DTX1: variants seen among roughly 807,000 people sequenced by gnomAD.
DTX1 encodes the protein deltex E3 ubiquitin ligase 1, also known as E3 ubiquitin-protein ligase DTX1.
DTX1 carries 26 observed loss-of-function variants against 57.8 expected under a neutral mutation model. That is an observed-to-expected ratio of 0.45 (90% confidence interval 0.33 to 0.62). The LOEUF (loss-of-function observed/expected upper bound fraction) is 0.62, where lower values mean the gene tolerates loss of function less well. Ranked by LOEUF, DTX1 falls within the 20% of genes least tolerant of loss-of-function variation. DTX1 has a pLI of 0.02. For missense variants in DTX1, 704 were observed against 895.3 expected, an observed-to-expected ratio of 0.79 and a Z score of 2.73; for synonymous variants, 398 against 394.1, an observed-to-expected ratio of 1.01 and a Z score of -0.12.
Position 113,093,355 on chromosome 12 carries a change from C to T in DTX1, c.1003+132C>T. The T allele has an allele frequency of 7.4e-7, 1 of 1,350,104 alleles. No homozygotes were observed. Among genetic ancestry groups the T allele is most frequent in the Non-Finnish European group, 1.0e-6 (1 of 1,004,764 alleles). The allele number at this position is 1,350,104 out of a possible 1,614,324, so 83.6% of individuals were successfully genotyped here. A position where few individuals can be genotyped will look rare whatever the true frequency, so the allele number is the denominator to read the frequency against. ...GAGGAAACGCCCCCTTCCACTGGGCCCAGGACACAGGGCGGGCGTGGCCCG... is the reference window on the plus strand; with the variant it reads ...GAGGAAACGCCCCCTTCCACTGGGCTCAGGACACAGGGCGGGCGTGGCCCG... On this transcript the variant is annotated intron_variant, in intron 4 of 9. Coordinates refer to ENST00000548759, the MANE Select transcript of DTX1 (RefSeq NM_004416.3). The surrounding 1 kb of genome is among the most constrained non-coding windows in gnomAD (Gnocchi z 4.2).
At chr12:113,063,308 G>A (rs375875690) in intron 2 of DTX1, among the ~76,000 whole-genome samples, 4 of 152,214 alleles carry the variant, frequency 2.6e-5, no homozygotes, top group African/African-American at 9.6e-5. Context: ...CAGAGAAGAA[G>A]CCACATCTTC....
chr12:113,084,237 G>T (rs2044839180), intron 3 of DTX1, among the ~76,000 whole-genome samples: 1 of 152,202 alleles, frequency 6.6e-6, no homozygotes, highest in African/African-American at 2.4e-5. Flanking sequence ...TCCCCTGAGG[G>T]GTCAGTGTCC....
chr12:113,078,304 A>G (rs2044791165), intron 3 of DTX1, among the ~76,000 whole-genome samples, 199 bp downstream of exon 3: 1 of 152,138 alleles, frequency 6.6e-6, no homozygotes, highest in Non-Finnish European at 1.5e-5. Context: ...ATCTATCTCC[A>G]TGCATAAGGA....
chr12:113,062,001 T>C (rs2044667485), intron 2 of DTX1, among the ~76,000 whole-genome samples: 1 of 151,642 alleles, frequency 6.6e-6, no homozygotes, highest in African/African-American at 2.4e-5. Context: ...CCACTGTGCC[T>C]GGCTGTGAAT....
In DTX1 at chr12:113,093,354, C is replaced by G. The variant is rs1463581023; in HGVS notation, c.1003+131C>G. ...GGAGGAAACGCCCCCTTCCACTGGGCCCAGGACACAGGGCGGGCGTGGCCC... is the reference window on the plus strand; with the variant it reads ...GGAGGAAACGCCCCCTTCCACTGGGGCCAGGACACAGGGCGGGCGTGGCCC... On this transcript the variant is annotated intron_variant, in intron 4 of 9. Coordinates refer to ENST00000548759, the MANE Select transcript of DTX1 (RefSeq NM_004416.3). This position sits in a 1 kb window ranked among gnomAD's most constrained non-coding sequence, Gnocchi z 4.2. The G allele has an allele frequency of 7.4e-7, 1 of 1,346,162 alleles. No individual in the cohort carries two copies. The highest frequency in any genetic ancestry group is 1.5e-5 in the African/African-American group (1 of 67,686). The allele number at this position is 1,346,162 out of a possible 1,614,324, so 83.4% of individuals were successfully genotyped here.
intron 2 of DTX1, among the ~76,000 whole-genome samples, chr12:113,061,105 G>A (rs1232329700): frequency 6.6e-6 from 1 of 152,074 alleles, no homozygotes; most frequent in Non-Finnish European, 1.5e-5. Flanking sequence ...CCCCTTTTAT[G>A]GTTCAGCCTC....
intron 2 of DTX1, among the ~76,000 whole-genome samples, chr12:113,072,442 AG>A (rs2044743289): frequency 6.6e-6 from 1 of 152,194 alleles, no homozygotes; most frequent in Non-Finnish European, 1.5e-5. Context: ...CTGGATGAAT[AG>A]GAGTTTGCCA....
intron 2 of DTX1, among the ~76,000 whole-genome samples, chr12:113,060,707 T>C (rs2044658644): frequency 6.6e-6 from 1 of 152,198 alleles, no homozygotes; most frequent in Non-Finnish European, 1.5e-5. Flanking sequence ...CATGTGCCCA[T>C]TCTTCCAGAG....
chr12:113,057,457 C>G lies in DTX1; in HGVS notation c.-736C>G, dbSNP rs559406529. ...CTCTTGTCTCCTGGCAGGTCGCGAGCACGAGTGGGGTGGGGCGTGCCCACG... is the reference window on the plus strand; with the variant it reads ...CTCTTGTCTCCTGGCAGGTCGCGAGGACGAGTGGGGTGGGGCGTGCCCACG... On this transcript the variant is annotated 5_prime_UTR_variant, in exon 2 of 10. Coordinates refer to ENST00000548759, the MANE Select transcript of DTX1 (RefSeq NM_004416.3). 1 of 152,502 alleles carries G rather than the reference C, an allele frequency of 6.6e-6. No individual in the cohort carries two copies. Among genetic ancestry groups the G allele is most frequent in the African/African-American group, 2.4e-5 (1 of 41,548 alleles). The allele number at this position is 152,502 out of a possible 1,614,324, so 9.4% of individuals were successfully genotyped here. A position where few individuals can be genotyped will look rare whatever the true frequency, so the allele number is the denominator to read the frequency against.
chr12:113,061,887 G>A lies in DTX1; in HGVS notation c.259+3436G>A, dbSNP rs1040331124. Among the ~76,000 whole-genome samples the A allele has an allele frequency of 2.6e-5, 4 of 152,126 alleles. No individual in the cohort carries two copies. The East Asian group carries it at 5.8e-4, about 22-fold the overall frequency. On this transcript the variant is annotated intron_variant, in intron 2 of 9. Coordinates refer to ENST00000548759, the MANE Select transcript of DTX1 (RefSeq NM_004416.3). ...CACCCGGCTAATTTTTGTATTTTTA[G>A]TAGAGATGGGGTTTTACCCTGTTGG...
At chr12:113,057,265 C>G (rs2044631157) in intron 1 of DTX1, among the ~76,000 whole-genome samples, 184 bp from the exon 2 acceptor site, 1 of 152,108 alleles carries the variant, frequency 6.6e-6, no homozygotes, top group African/African-American at 2.4e-5. Flanking sequence ...GAAAACCGCG[C>G]CCCCGGCCCC....
intron 2 of DTX1, among the ~76,000 whole-genome samples, chr12:113,069,848 G>T (rs1429370217): frequency 6.6e-6 from 1 of 152,190 alleles, no homozygotes; most frequent in Non-Finnish European, 1.5e-5. Flanking sequence ...TGCCGCTGTT[G>T]TCCTTGTTGT....
intron 2 of DTX1, among the ~76,000 whole-genome samples, chr12:113,066,405 G>A (rs2044703726): frequency 6.6e-6 from 1 of 152,000 alleles, no homozygotes; most frequent in Admixed American, 6.6e-5. Flanking sequence ...GTGGGCGCCT[G>A]TAATCCCAGC....
rs771706036 is a variant in DTX1 at position 113,058,224 on chromosome 12, C to T, written c.32C>T (p.Pro11Leu). 6.2e-7 allele frequency: 1 copy of T among 1,612,534 alleles called. No homozygotes were observed. Among genetic ancestry groups the T allele is most frequent in the Non-Finnish European group, 8.5e-7 (1 of 1,179,636 alleles). Residue 11 changes from proline (P) to leucine (L), a missense_variant, in exon 2 of 10, where the codon CCT becomes CTT. Physicochemically the swap from Pro to Leu is moderately conservative, Grantham distance 98. This residue lies in a region of DTX1 where 237 missense variants were observed against 328.6 expected (regional missense o/e 0.72). Coordinates refer to ENST00000548759, the MANE Select transcript of DTX1 (RefSeq NM_004416.3). MSRPGHGGLMPVNGLGFPPQN... is the reference protein window; with the variant it reads MSRPGHGGLMLVNGLGFPPQN... ...CGGCCAGGCCACGGTGGGCTGATGC[C>T]TGTGAATGGTCTGGGCTTCCCACCG...
chr12:113,095,326 GC>G lies in DTX1; in HGVS notation c.1553del (p.Pro518LeufsTer84). Reference sequence around the variant, plus strand: ...TCCCTGTACTGTCCCTCTCTGCAGGGCCCTGAGCACCCCAACCCCGGGAAGA... The same window carrying G: ...TCCCTGTACTGTCCCTCTCTGCAGGGCCTGAGCACCCCAACCCCGGGAAGA... ...IVYDIPTGIQ[G>X]PEHPNPGKKF... On this transcript the variant is annotated frameshift_variant and splice_region_variant, in exon 9 of 10. Transcript: ENST00000548759. LOFTEE classifies it high-confidence loss of function. 6.2e-7 allele frequency: 1 copy of G among 1,614,060 alleles called. No homozygotes were observed. Among genetic ancestry groups the G allele is most frequent in the Non-Finnish European group, 8.5e-7 (1 of 1,179,966 alleles).
chr12:113,090,940 T>C (rs893165126), intron 3 of DTX1, among the ~76,000 whole-genome samples: 1 of 152,186 alleles, frequency 6.6e-6, no homozygotes, highest in Non-Finnish European at 1.5e-5. Flanking sequence ...TGCGCCCCCA[T>C]GCATGATGTG....
intron 2 of DTX1, among the ~76,000 whole-genome samples, chr12:113,064,366 G>C (rs2044689648): frequency 1.3e-5 from 2 of 152,230 alleles, no homozygotes; most frequent in Non-Finnish European, 2.9e-5. Flanking sequence ...CCAGAAGCCT[G>C]TTTTGAAACT....
intron 3 of DTX1, among the ~76,000 whole-genome samples, chr12:113,092,619 C>T (rs1335029251): frequency 6.6e-6 from 1 of 152,130 alleles, no homozygotes; most frequent in African/African-American, 2.4e-5. Context: ...TTTTGAAAAC[C>T]TGGACTTATC....
At position 113,093,223 on chromosome 12, in the gene DTX1, G is replaced by T; in HGVS notation, c.1003G>T (p.Gly335Trp). The T allele has an allele frequency of 6.3e-7, 1 of 1,594,734 alleles. No homozygotes were observed. The highest frequency in any genetic ancestry group is 8.5e-7 in the Non-Finnish European group (1 of 1,170,944). Reference protein sequence around the residue: ...GTGPVHPALAGMTGILLCAAG... With the variant: ...GTGPVHPALAWMTGILLCAAG... ...TGGGCCGGTCCATCCGGCCCTGGCA[G>T]GTGAGGTCTGGCCCAGGGCGGGAAA... Residue 335 changes from glycine to tryptophan, a missense_variant and splice_region_variant, in exon 4 of 10, where the codon GGG becomes TGG. Gly to Trp is a radical substitution (Grantham distance 184, BLOSUM62 -2). Coordinates refer to ENST00000548759, the MANE Select transcript of DTX1 (RefSeq NM_004416.3). This position sits in a 1 kb window ranked among gnomAD's most constrained non-coding sequence, Gnocchi z 4.2.
Sources: gnomAD v4.1 joint callset for allele counts (sites outside exome capture counted in the v4.1 genomes callset) on GRCh38, gnomAD v4.1.1 for gene constraint, gnomAD v4.1.1 regional missense constraint, Gnocchi (gnomAD v3.1) non-coding constraint, MANE v1.5 for transcripts, NCBI Gene and HGNC (gene_info 2026-07-23, HGNC 2026-07-21) for gene names.